Variants in RBPMS observed in about 807,000 individuals in gnomAD.
RBPMS encodes the protein RNA-binding protein with multiple splicing.
RBPMS carries 7 observed loss-of-function variants against 26.8 expected under a neutral mutation model. That is an observed-to-expected ratio of 0.26 (90% confidence interval 0.15 to 0.49). The LOEUF (loss-of-function observed/expected upper bound fraction) is 0.49, where lower values mean the gene tolerates loss of function less well. Ranked by LOEUF, RBPMS falls within the 20% of genes least tolerant of loss-of-function variation. The probability of loss-of-function intolerance (pLI) is 0.98; values close to 1 mark genes in which losing one functional copy is unlikely to be tolerated. For synonymous variants in RBPMS, 96 were observed against 93.3 expected (o/e 1.03, Z -0.17); for missense variants, 186 against 250.0 (o/e 0.74, Z 1.73).
chr8:30,489,972 G>A lies in RBPMS; in HGVS notation c.246+10595G>A, dbSNP rs185004154. 1.6e-3 allele frequency among the ~76,000 whole-genome samples: 243 copies of A among 151,682 alleles called. 2 individuals are homozygous for A. Among genetic ancestry groups the A allele is most frequent in the African/African-American group, 5.4e-3 (225 of 41,352 alleles). On this transcript the variant is annotated intron_variant, in intron 4 of 8. Coordinates refer to ENST00000397323, the MANE Select transcript of RBPMS (RefSeq NM_001008710.3). ...ACTACAGGCACCCGCCACCACGCCC[G>A]GCTAATTTTTTTGTATTTTTTAGTA...
At chr8:30,476,669 T>G (rs1397623955) in intron 2 of RBPMS, among the ~76,000 whole-genome samples, 1 of 152,192 alleles carries the variant, frequency 6.6e-6, no homozygotes, top group Non-Finnish European at 1.5e-5. Context: ...TTAAAGTCCC[T>G]GGAGGCTGAC....
chr8:30,482,826 T>C (rs1301362318), intron 4 of RBPMS, among the ~76,000 whole-genome samples: 1 of 152,168 alleles, frequency 6.6e-6, no homozygotes, highest in East Asian at 1.9e-4. Flanking sequence ...GTACCTGTTT[T>C]GAATTTCCAA....
At chr8:30,550,588 C>T (rs750437365) in intron 6 of RBPMS, among the ~76,000 whole-genome samples, 1 of 152,188 alleles carries the variant, frequency 6.6e-6, no homozygotes, top group Admixed American at 6.5e-5. Flanking sequence ...AGAGACCTCA[C>T]GGCTGGAGCC....
intron 4 of RBPMS, 89 bp downstream of exon 4, chr8:30,479,466 GAA>G: frequency 1.1e-6 from 1 of 927,750 alleles, no homozygotes; most frequent in Middle Eastern, 2.1e-4. Context: ...CAAGTGGAAA[GAA>G]TATGACTGCA....
intron 1 of RBPMS, among the ~76,000 whole-genome samples, chr8:30,437,966 G>GA (rs567517532): frequency 2.2e-4 from 31 of 142,828 alleles, no homozygotes; most frequent in South Asian, 4.4e-4. Context: ...CTCAAAAAAA[G>GA]AAAAAAAAAA....
chr8:30,532,321 C>T (rs1188158965), intron 5 of RBPMS, among the ~76,000 whole-genome samples: 1 of 152,152 alleles, frequency 6.6e-6, no homozygotes. Flanking sequence ...TGTTTTTGTA[C>T]TGAGGATGGA....
intron 6 of RBPMS, chr8:30,545,348 A>G: frequency 8.7e-7 from 1 of 1,147,996 alleles, no homozygotes; most frequent in South Asian, 1.9e-5. Flanking sequence ...CTTGGAGAAA[A>G]TATTTCTCTT....
chr8:30,529,091 G>A (rs761126492), intron 5 of RBPMS, among the ~76,000 whole-genome samples: 4 of 151,908 alleles, frequency 2.6e-5, no homozygotes, highest in Non-Finnish European at 5.9e-5. Flanking sequence ...GTGGTGGCAT[G>A]CCCCTGTGGT....
intron 5 of RBPMS, among the ~76,000 whole-genome samples, chr8:30,543,027 C>T (rs1825546489): frequency 6.6e-6 from 1 of 152,194 alleles, no homozygotes; most frequent in Admixed American, 6.5e-5. Flanking sequence ...GTCTGTCTTT[C>T]TATCACCAAG....
At chr8:30,554,325 A>G (rs1253668144) in intron 6 of RBPMS, among the ~76,000 whole-genome samples, 1 of 152,210 alleles carries the variant, frequency 6.6e-6, no homozygotes, top group Non-Finnish European at 1.5e-5. Context: ...GACCTTCCAG[A>G]CCAGCATTTC....
At chr8:30,492,932 G>A (rs1351495498) in intron 4 of RBPMS, among the ~76,000 whole-genome samples, 1 of 152,026 alleles carries the variant, frequency 6.6e-6, no homozygotes, top group African/African-American at 2.4e-5. Context: ...CACATAATCG[G>A]GAAATCATTT....
In RBPMS at chr8:30,551,152, AC is replaced by A. The variant is rs556042158; in HGVS notation, c.528+6531del. Among the ~76,000 whole-genome samples, 202 of 151,344 alleles carry A rather than the reference AC, an allele frequency of 1.3e-3. 2 individuals are homozygous for A. The highest frequency in any genetic ancestry group is 0.012 in the South Asian group (59 of 4,768). On this transcript the variant is annotated intron_variant, in intron 6 of 8. Coordinates refer to ENST00000397323, the MANE Select transcript of RBPMS (RefSeq NM_001008710.3). The stretch of plus-strand genomic sequence containing the variant: ...CCAGGCAGATGCTCTCTCCCTGGTG[AC>A]CCTCTCCACCTCTTCCGTCATTTGC...
intron 5 of RBPMS, among the ~76,000 whole-genome samples, chr8:30,540,835 A>G (rs1825312856): frequency 6.6e-6 from 1 of 152,210 alleles, no homozygotes; most frequent in African/African-American, 2.4e-5. Context: ...AAACTGGATC[A>G]TGGGATAGAT....
At chr8:30,502,223 C>T (rs556418928) in intron 4 of RBPMS, among the ~76,000 whole-genome samples, 86 of 110,270 alleles carry the variant, frequency 7.8e-4, no homozygotes, top group Non-Finnish European at 1.1e-3. Flanking sequence ...AATTGGGGGG[C>T]GGGTATGAAG....
intron 5 of RBPMS, among the ~76,000 whole-genome samples, chr8:30,505,106 T>C (rs978114450): frequency 6.6e-6 from 1 of 152,224 alleles, no homozygotes; most frequent in Non-Finnish European, 1.5e-5. Flanking sequence ...TGCCTTTCCC[T>C]GAATAACTTT....
intron 5 of RBPMS, among the ~76,000 whole-genome samples, chr8:30,524,149 C>G (rs1198331187): frequency 6.6e-6 from 1 of 151,996 alleles, no homozygotes; most frequent in African/African-American, 2.4e-5. Flanking sequence ...GCAAGAATAC[C>G]TGGTAGTGTG....
Position 30,385,155 on chromosome 8 carries a change from G to C in RBPMS, c.63G>C (p.Glu21Asp). ...CGAGCGAGGCCAACCTTCAGGAGGAGGAGGTACTGGGCGGCTCGGTGTGGT... is the reference window on the plus strand; with the variant it reads ...CGAGCGAGGCCAACCTTCAGGAGGACGAGGTACTGGGCGGCTCGGTGTGGT... ...NTPSEANLQE[E>D]EVRTLFVSGL... The change falls in exon 1 of 9, where the codon GAG (glutamate) becomes GAC (aspartate). Residue 21 changes from glutamate (E) to aspartate (D), a missense_variant. Glu to Asp is a conservative substitution (Grantham distance 45, BLOSUM62 2). Coordinates refer to ENST00000397323, the MANE Select transcript of RBPMS (RefSeq NM_001008710.3). The C allele has an allele frequency of 1.3e-6, 2 of 1,515,696 alleles. No homozygotes were observed. The highest frequency in any genetic ancestry group is 1.8e-6 in the Non-Finnish European group (2 of 1,132,228). 93.9% of individuals were successfully genotyped at this position (1,515,696 alleles called of 1,614,324 possible).
At chr8:30,385,207 G>A (rs1806871222) in intron 1 of RBPMS, 49 bp downstream of exon 1, 3 of 1,352,480 alleles carry the variant, frequency 2.2e-6, no homozygotes, top group African/African-American at 3.1e-5. Flanking sequence ...GACCCAGTGC[G>A]GGCGGCCGGC....
intron 5 of RBPMS, among the ~76,000 whole-genome samples, chr8:30,527,146 G>T (rs186331049): frequency 6.6e-6 from 1 of 152,280 alleles, no homozygotes; most frequent in Non-Finnish European, 1.5e-5. Flanking sequence ...GTTGTGGGAA[G>T]TAAATACATC....
Sources: gnomAD v4.1 joint callset for allele counts (sites outside exome capture counted in the v4.1 genomes callset) on GRCh38, gnomAD v4.1.1 for gene constraint, MANE v1.5 for transcripts, NCBI Gene and HGNC (gene_info 2026-07-23, HGNC 2026-07-21) for gene names.